Variants in SLMAP observed in about 807,000 individuals in gnomAD.
SLMAP encodes sarcolemmal membrane-associated protein.
SLMAP carries 44 observed loss-of-function variants against 128.8 expected under a neutral mutation model. The ratio of observed to expected loss-of-function variants is 0.34; its 90% confidence interval spans 0.27 to 0.44. The LOEUF is 0.44. Ranked by LOEUF, SLMAP falls within the 20% of genes least tolerant of loss-of-function variation. The probability of loss-of-function intolerance (pLI) is 1.00; values close to 1 mark genes in which losing one functional copy is unlikely to be tolerated. For synonymous variants in SLMAP, 327 were observed against 348.8 expected (o/e 0.94, Z 0.70); for missense variants, 787 against 985.3 (o/e 0.80, Z 2.69).
intron 2 of SLMAP, among the ~76,000 whole-genome samples, chr3:57,829,514 G>A (rs1484519458): frequency 6.6e-6 from 1 of 151,962 alleles, no homozygotes; most frequent in East Asian, 1.9e-4. Flanking sequence ...TTAAGTTCCA[G>A]TGTAGAAAAA....
intron 13 of SLMAP, among the ~76,000 whole-genome samples, chr3:57,866,725 A>C (rs573312755): frequency 6.6e-6 from 1 of 152,310 alleles, no homozygotes; most frequent in African/African-American, 2.4e-5. Context: ...TCTACAAAAA[A>C]TACAAAAATT....
chr3:57,862,658 A>AAAC, intron 10 of SLMAP, among the ~76,000 whole-genome samples: 1 of 151,848 alleles, frequency 6.6e-6, no homozygotes, highest in Non-Finnish European at 1.5e-5. Context: ...AAAAAAAAAA[A>AAAC]AATTCAGTTT....
chr3:57,844,271 G>A (rs751009270), intron 4 of SLMAP, among the ~76,000 whole-genome samples: 2 of 151,960 alleles, frequency 1.3e-5, no homozygotes, highest in African/African-American at 4.8e-5. Flanking sequence ...GTGAGCGCCT[G>A]TAGTCCCAGC....
chr3:57,797,760 C>T (rs2087124687), intron 2 of SLMAP, among the ~76,000 whole-genome samples: 1 of 152,066 alleles, frequency 6.6e-6, no homozygotes, highest in African/African-American at 2.4e-5. Flanking sequence ...TAGTTAGAAA[C>T]CTTGGATTAA....
At chr3:57,913,021 A>G (rs1050077756) in intron 20 of SLMAP, 137 bp from the exon 21 acceptor site, 2 of 532,834 alleles carry the variant, frequency 3.8e-6, no homozygotes, top group Non-Finnish European at 6.7e-6. Context: ...CAGGAATCAT[A>G]TAATTAACCA....
chr3:57,807,197 G>T (rs775062794), intron 2 of SLMAP, among the ~76,000 whole-genome samples: 1 of 152,086 alleles, frequency 6.6e-6, no homozygotes, highest in Admixed American at 6.6e-5. Flanking sequence ...TCCTTTGCCT[G>T]CTTTTTGATG....
intron 2 of SLMAP, among the ~76,000 whole-genome samples, chr3:57,829,942 T>C (rs2093217245): frequency 6.6e-6 from 1 of 152,262 alleles, no homozygotes. Flanking sequence ...CTCTTGCTTC[T>C]GTGTTCCCCA....
chr3:57,920,151 G>C (rs944959722), intron 22 of SLMAP, among the ~76,000 whole-genome samples: 6 of 152,358 alleles, frequency 3.9e-5, no homozygotes, highest in Admixed American at 3.9e-4. Flanking sequence ...GTTCCAATTT[G>C]CAGAAACTAG....
chr3:57,922,660 C>G (rs1185297569), intron 22 of SLMAP, among the ~76,000 whole-genome samples: 1 of 152,130 alleles, frequency 6.6e-6, no homozygotes, highest in Non-Finnish European at 1.5e-5. Flanking sequence ...AACTCCTGAC[C>G]TCGTGATCTG....
intron 2 of SLMAP, among the ~76,000 whole-genome samples, chr3:57,790,541 TTA>T (rs1250644843): frequency 6.6e-6 from 1 of 152,202 alleles, no homozygotes; most frequent in Non-Finnish European, 1.5e-5. Flanking sequence ...CTACCTAATT[TTA>T]TGTTATTTTA....
intron 14 of SLMAP, among the ~76,000 whole-genome samples, chr3:57,879,314 A>G (rs1351538958): frequency 1.3e-5 from 2 of 152,232 alleles, no homozygotes; most frequent in African/African-American, 4.8e-5. Context: ...TAGTCTTCTG[A>G]CTAAATGCTT....
intron 5 of SLMAP, among the ~76,000 whole-genome samples, chr3:57,849,047 G>A (rs1027044768): frequency 3.3e-5 from 5 of 150,418 alleles, no homozygotes; most frequent in African/African-American, 7.3e-5. Flanking sequence ...TCGCTCTGTC[G>A]TCCAGGCTGA....
intron 2 of SLMAP, among the ~76,000 whole-genome samples, chr3:57,773,255 CAGTT>C (rs1177441517): frequency 6.6e-6 from 1 of 152,208 alleles, no homozygotes; most frequent in Non-Finnish European, 1.5e-5. Flanking sequence ...AGTTGAACCT[CAGTT>C]AGACTGCATT....
intron 2 of SLMAP, among the ~76,000 whole-genome samples, chr3:57,816,170 G>A (rs949399835): frequency 2.0e-5 from 3 of 152,088 alleles, no homozygotes; most frequent in African/African-American, 7.2e-5. Context: ...TTGAGACGGA[G>A]TCTTACTTTG....
chr3:57,925,773 C>G, intron 23 of SLMAP, 72 bp from the exon 24 acceptor site: 2 of 1,033,450 alleles, frequency 1.9e-6, no homozygotes, highest in East Asian at 2.6e-5. Flanking sequence ...TCCCACCCTA[C>G]TGGGGTCTGA....
Position 57,864,726 on chromosome 3 carries a change from TA to T in SLMAP, c.1135+12del. 1 of 1,581,928 alleles carries T rather than the reference TA, an allele frequency of 6.3e-7. No individual in the cohort carries two copies. Among genetic ancestry groups the T allele is most frequent in the South Asian group, 1.2e-5 (1 of 84,040 alleles). ...CTAACAGCTTTACAAGGTAAGTAGC[TA>T]ATCCAGAAATTGATTTTATTTTATT... On this transcript the variant is annotated intron_variant, in intron 11 of 24. Transcript: ENST00000671191.
intron 3 of SLMAP, among the ~76,000 whole-genome samples, chr3:57,836,464 G>A (rs1452951102): frequency 2.6e-5 from 4 of 152,124 alleles, no homozygotes; most frequent in African/African-American, 9.7e-5. Flanking sequence ...TCATATTAGT[G>A]TCATTTCTGT....
At position 57,885,034 on chromosome 3, in the gene SLMAP, G is replaced by A. The variant is rs147347407; in HGVS notation, c.1301-5007G>A. On this transcript the variant is annotated intron_variant, in intron 14 of 24. Transcript: ENST00000671191. Reference sequence around the variant, plus strand: ...CAAAAAAACACACACAGAAAAATGTGAGTAGGGAAGAAATAGGAAAAAGGT... The same window carrying A: ...CAAAAAAACACACACAGAAAAATGTAAGTAGGGAAGAAATAGGAAAAAGGT... 2.1e-3 allele frequency among the ~76,000 whole-genome samples: 311 copies of A among 151,372 alleles called. 1 individual carries two copies. The highest frequency in any genetic ancestry group is 6.9e-3 in the African/African-American group (287 of 41,382).
chr3:57,829,314 C>T (rs2093169852), intron 2 of SLMAP, among the ~76,000 whole-genome samples: 1 of 151,882 alleles, frequency 6.6e-6, no homozygotes, highest in Non-Finnish European at 1.5e-5. Context: ...TTGCAACTCA[C>T]TAAATTGGCT....
Sources: gnomAD v4.1 joint callset for allele counts (sites outside exome capture counted in the v4.1 genomes callset) on GRCh38, gnomAD v4.1.1 for gene constraint, MANE v1.5 for transcripts, NCBI Gene and HGNC (gene_info 2026-07-23, HGNC 2026-07-21) for gene names.